PCSK5: variants seen among roughly 807,000 people sequenced by gnomAD.
PCSK5 encodes the protein proprotein convertase subtilisin/kexin type 5, also known as prohormone convertase 5.
A neutral mutation model predicts 233.2 loss-of-function variants in PCSK5; 129 were observed. That is an observed-to-expected ratio of 0.55 (90% CI 0.48 to 0.64). The LOEUF is 0.64. Among genes scored for constraint, PCSK5 ranks in the 30% least tolerant of loss-of-function variants. The pLI, the probability that PCSK5 is intolerant of heterozygous loss-of-function variation, is 0.00. For missense variants in PCSK5, 2,076 were observed against 2,430.1 expected (o/e 0.85, Z 3.06); for synonymous variants, 825 against 879.2 (o/e 0.94, Z 1.09).
chr9:75,897,489 CTTTT>C (rs58504698), intron 1 of PCSK5, among the ~76,000 whole-genome samples: 4 of 119,630 alleles, frequency 3.3e-5, no homozygotes, highest in African/African-American at 9.8e-5. Context: ...TCTTTCTTTT[CTTTT>C]TTTTTTTTTT....
intron 20 of PCSK5, among the ~76,000 whole-genome samples, chr9:76,200,375 A>T (rs1824868149): frequency 6.6e-6 from 1 of 152,110 alleles, no homozygotes; most frequent in Non-Finnish European, 1.5e-5. Context: ...TCTCAGTTCA[A>T]AAATAACTTC....
intron 2 of PCSK5, among the ~76,000 whole-genome samples, chr9:75,937,504 C>G (rs985860160): frequency 1.3e-5 from 2 of 152,092 alleles, no homozygotes; most frequent in African/African-American, 4.8e-5. Flanking sequence ...TTCTTAAGGG[C>G]CCTAGGATTT....
At chr9:76,334,150 G>A (rs1348528362) in intron 34 of PCSK5, among the ~76,000 whole-genome samples, 7 of 152,056 alleles carry the variant, frequency 4.6e-5, no homozygotes, top group East Asian at 1.9e-4. Context: ...GTCAGATCTC[G>A]TAAGACTTAT....
intron 7 of PCSK5, among the ~76,000 whole-genome samples, chr9:76,072,476 C>T (rs1459015599): frequency 6.6e-6 from 1 of 152,212 alleles, no homozygotes; most frequent in African/African-American, 2.4e-5. Context: ...TTTCAAATTA[C>T]AGATCTTAAG....
chr9:76,158,519 G>C (rs62556585), intron 11 of PCSK5, among the ~76,000 whole-genome samples: 11,032 of 152,146 alleles, frequency 0.073, 593 homozygotes, highest in East Asian at 0.27. Flanking sequence ...GTGCTGGTGG[G>C]TTACAGAGCA....
intron 24 of PCSK5, among the ~76,000 whole-genome samples, chr9:76,250,164 T>C (rs1826756743): frequency 6.6e-6 from 1 of 152,056 alleles, no homozygotes; most frequent in Non-Finnish European, 1.5e-5. Context: ...TAGCTGGGCG[T>C]GGTGGTGCGT....
At chr9:76,074,193 C>A (rs73454530) in intron 7 of PCSK5, among the ~76,000 whole-genome samples, 17,273 of 152,160 alleles carry the variant, frequency 0.11, 1,437 homozygotes, top group African/African-American at 0.23. Context: ...TTATATACCT[C>A]TGCACATTAC....
chr9:76,068,092 T>C (rs561655550), intron 6 of PCSK5, 49 bp downstream of exon 6: 3 of 1,283,916 alleles, frequency 2.3e-6, no homozygotes, highest in Non-Finnish European at 3.4e-6. Context: ...AGTTAGCTCT[T>C]TGGCTGACTG....
chr9:76,280,215 T>C (rs1174765152), intron 24 of PCSK5, among the ~76,000 whole-genome samples: 3 of 152,210 alleles, frequency 2.0e-5, no homozygotes, highest in Non-Finnish European at 4.4e-5. Context: ...AACCCCACCA[T>C]GTGAGATGGA....
At chr9:76,112,250 A>G (rs1184847259) in intron 9 of PCSK5, among the ~76,000 whole-genome samples, 1 of 152,204 alleles carries the variant, frequency 6.6e-6, no homozygotes, top group African/African-American at 2.4e-5. Context: ...AACTTCTGAA[A>G]TTATCTAAAA....
intron 35 of PCSK5, among the ~76,000 whole-genome samples, chr9:76,343,105 C>T (rs748307470): frequency 6.6e-6 from 1 of 151,706 alleles, no homozygotes; most frequent in Non-Finnish European, 1.5e-5. Context: ...TCTCTTTATA[C>T]AACAAATATA....
intron 1 of PCSK5, among the ~76,000 whole-genome samples, chr9:75,927,377 A>G (rs1367481716): frequency 1.3e-5 from 2 of 152,172 alleles, no homozygotes; most frequent in Non-Finnish European, 2.9e-5. Context: ...CAAGCAGAGA[A>G]GAAGCCCAAG....
At chr9:75,937,079 G>A (rs1239522595) in intron 2 of PCSK5, among the ~76,000 whole-genome samples, 1 of 151,718 alleles carries the variant, frequency 6.6e-6, no homozygotes, top group Non-Finnish European at 1.5e-5. Flanking sequence ...CTCAACAGTT[G>A]GCTTAAAATA....
intron 28 of PCSK5, among the ~76,000 whole-genome samples, chr9:76,307,860 C>T (rs563787875): frequency 4.6e-5 from 7 of 151,964 alleles, no homozygotes; most frequent in East Asian, 1.9e-4. Context: ...AGTTCCTCCA[C>T]GAGAGGTACA....
chr9:76,338,981 T>C (rs1829757152), intron 35 of PCSK5, among the ~76,000 whole-genome samples: 1 of 151,782 alleles, frequency 6.6e-6, no homozygotes, highest in East Asian at 1.9e-4. Context: ...GATCTGTTGG[T>C]ACTCTTTCCC....
chr9:76,308,414 G>A (rs1312018447), intron 28 of PCSK5, among the ~76,000 whole-genome samples: 4 of 152,172 alleles, frequency 2.6e-5, no homozygotes, highest in Non-Finnish European at 5.9e-5. Context: ...ACACATTCGT[G>A]TGGTATCTTT....
At chr9:76,002,552 T>C (rs906472979) in intron 3 of PCSK5, among the ~76,000 whole-genome samples, 2 of 152,332 alleles carry the variant, frequency 1.3e-5, no homozygotes, top group African/African-American at 4.8e-5. Flanking sequence ...GACTTTGTTA[T>C]CCTAATATGC....
chr9:76,177,312 GAAAAA>G (rs940894298), intron 14 of PCSK5, among the ~76,000 whole-genome samples: 7 of 151,468 alleles, frequency 4.6e-5, no homozygotes, highest in African/African-American at 1.7e-4. Context: ...GAAAAGAAAA[GAAAAA>G]AAAGAACTAT....
intron 1 of PCSK5, among the ~76,000 whole-genome samples, chr9:75,908,053 T>TTC: frequency 6.6e-6 from 1 of 152,292 alleles, no homozygotes; most frequent in Middle Eastern, 3.4e-3. Context: ...AATTAAGCCC[T>TTC]GCAGGTCAGT....
Sources: gnomAD v4.1 joint callset for allele counts (sites outside exome capture counted in the v4.1 genomes callset) on GRCh38, gnomAD v4.1.1 for gene constraint, MANE v1.5 for transcripts, NCBI Gene and HGNC (gene_info 2026-07-23, HGNC 2026-07-21) for gene names.